The following PDE4B variants were observed in gnomAD, a reference collection of about 807,000 sequenced individuals.
PDE4B encodes the protein 3',5'-cyclic-AMP phosphodiesterase 4B.
Under a neutral mutation model 82.2 loss-of-function variants are expected in PDE4B, and 20 were observed. That is an observed-to-expected ratio of 0.24 (90% CI 0.17 to 0.35). The LOEUF (loss-of-function observed/expected upper bound fraction) is 0.35, where lower values mean the gene tolerates loss of function less well. Ranked by LOEUF, PDE4B falls within the 10% of genes least tolerant of loss-of-function variation. The pLI is 1.00. For synonymous variants in PDE4B, 320 were observed against 318.9 expected, an observed-to-expected ratio of 1.00 and a Z score of -0.04; for missense variants, 655 against 907.2, an observed-to-expected ratio of 0.72 and a Z score of 3.57.
At chr1:65,915,118 T>A (rs1431481307) in intron 2 of PDE4B, among the ~76,000 whole-genome samples, 1 of 152,218 alleles carries the variant, frequency 6.6e-6, no homozygotes, top group Non-Finnish European at 1.5e-5. Context: ...ATGTATCTAC[T>A]AGAAAATTTA....
chr1:65,877,349 C>T (rs1646656802), intron 1 of PDE4B, among the ~76,000 whole-genome samples: 1 of 152,160 alleles, frequency 6.6e-6, no homozygotes, highest in Non-Finnish European at 1.5e-5. Context: ...GGTGCAGTGG[C>T]TCACGCCTGT....
intron 8 of PDE4B, among the ~76,000 whole-genome samples, chr1:66,345,937 G>A (rs1246925075): frequency 6.6e-6 from 1 of 152,170 alleles, no homozygotes; most frequent in Non-Finnish European, 1.5e-5. Flanking sequence ...GTGAAGCATG[G>A]TTTTGGTTGG....
intron 3 of PDE4B, among the ~76,000 whole-genome samples, chr1:65,945,236 A>G (rs1284014309): frequency 2.0e-5 from 3 of 151,934 alleles, no homozygotes; most frequent in Admixed American, 6.6e-5. Flanking sequence ...AGTCCATTAC[A>G]TATTTTTCTA....
chr1:66,305,882 A>G (rs893889198), intron 7 of PDE4B, among the ~76,000 whole-genome samples: 1 of 152,162 alleles, frequency 6.6e-6, no homozygotes, highest in Non-Finnish European at 1.5e-5. Flanking sequence ...ACAGGCCTCC[A>G]TTCTCAAGTA....
intron 3 of PDE4B, among the ~76,000 whole-genome samples, chr1:65,935,539 CAA>C (rs776864915): frequency 6.6e-6 from 1 of 151,684 alleles, no homozygotes; most frequent in Non-Finnish European, 1.5e-5. Flanking sequence ...AATTTACAAA[CAA>C]ATATTTTTCT....
chr1:66,296,121 G>A (rs1657496260), intron 7 of PDE4B, among the ~76,000 whole-genome samples: 1 of 151,968 alleles, frequency 6.6e-6, no homozygotes, highest in South Asian at 2.1e-4. Flanking sequence ...GAGCATCCGG[G>A]GCTTATCTTT....
At chr1:65,898,696 A>G (rs1339728079) in intron 1 of PDE4B, among the ~76,000 whole-genome samples, 2 of 152,144 alleles carry the variant, frequency 1.3e-5, no homozygotes, top group African/African-American at 4.8e-5. Flanking sequence ...GACAAAGCAA[A>G]CAAAAACATA....
At chr1:65,816,620 G>A (rs1479552870) in intron 1 of PDE4B, among the ~76,000 whole-genome samples, 1 of 152,048 alleles carries the variant, frequency 6.6e-6, no homozygotes, top group Non-Finnish European at 1.5e-5. Context: ...TGTTAGTCAA[G>A]CACTATTTAT....
intron 3 of PDE4B, chr1:66,062,790 T>C (rs1044028622): frequency 1.3e-5 from 2 of 152,142 alleles, no homozygotes; most frequent in East Asian, 3.8e-4. Flanking sequence ...TTTCAGTATC[T>C]GTATTGCATT....
At chr1:66,372,205 G>A (rs956756517) in intron 16 of PDE4B, 108 bp from the exon 17 acceptor site, 1 of 1,145,758 alleles carries the variant, frequency 8.7e-7, no homozygotes, top group African/African-American at 1.5e-5. Flanking sequence ...CATTATGATT[G>A]ATCTTTCTGA....
At chr1:65,816,295 C>G (rs1354194478) in intron 1 of PDE4B, among the ~76,000 whole-genome samples, 1 of 149,500 alleles carries the variant, frequency 6.7e-6, no homozygotes, top group African/African-American at 2.5e-5. Context: ...TTATCTCAAC[C>G]CTTGACAGCT....
At chr1:66,187,383 G>T (rs1263290311) in intron 3 of PDE4B, among the ~76,000 whole-genome samples, 1 of 152,084 alleles carries the variant, frequency 6.6e-6, no homozygotes, top group Non-Finnish European at 1.5e-5. Flanking sequence ...TTTTTCTGTT[G>T]ATTGGAATAG....
At chr1:66,082,479 T>C (rs1347272861) in intron 3 of PDE4B, among the ~76,000 whole-genome samples, 2 of 152,092 alleles carry the variant, frequency 1.3e-5, no homozygotes, top group African/African-American at 4.8e-5. Context: ...AGTAAGTGTA[T>C]AGGCTCTGGC....
At chr1:65,911,697 C>G (rs996036203) in intron 1 of PDE4B, among the ~76,000 whole-genome samples, 1 of 152,112 alleles carries the variant, frequency 6.6e-6, no homozygotes, top group Non-Finnish European at 1.5e-5. Context: ...TAGTTCTAAT[C>G]ATTCTTTGGT....
rs1222653340 is a variant in PDE4B at position 66,226,632 on chromosome 1, GAACA to G, written c.282-20827_282-20824del. ...GAAAGTTTGGTTTGTTGCAAGAAAA[GAACA>G]GTCAGTGCAAAATAGAAGCAAGAAG... On this transcript the variant is annotated intron_variant, in intron 3 of 16. Coordinates refer to ENST00000341517, the MANE Select transcript of PDE4B (RefSeq NM_002600.4). 2.0e-5 allele frequency among the ~76,000 whole-genome samples: 3 copies of G among 152,198 alleles called. No individual in the cohort carries two copies. In the East Asian group the frequency reaches 5.8e-4, roughly 29 times the overall value.
chr1:65,953,425 C>G (rs189422083), intron 3 of PDE4B, among the ~76,000 whole-genome samples: 2 of 151,908 alleles, frequency 1.3e-5, no homozygotes, highest in Admixed American at 6.6e-5. Flanking sequence ...TAATCTAGTC[C>G]GATGAAATCA....
At chr1:66,348,756 A>G (rs1242190112) in intron 8 of PDE4B, among the ~76,000 whole-genome samples, 1 of 151,572 alleles carries the variant, frequency 6.6e-6, no homozygotes, top group Admixed American at 6.6e-5. Flanking sequence ...AAATCTGGCA[A>G]CCTTATATAT....
At chr1:65,807,025 G>T (rs977575518) in intron 1 of PDE4B, among the ~76,000 whole-genome samples, 1 of 152,096 alleles carries the variant, frequency 6.6e-6, no homozygotes. Context: ...TACCTTAATT[G>T]CAAGGTAAAG....
intron 1 of PDE4B, among the ~76,000 whole-genome samples, chr1:65,855,186 T>C (rs779844006): frequency 6.6e-6 from 1 of 151,436 alleles, no homozygotes; most frequent in Non-Finnish European, 1.5e-5. Context: ...TTTTCTGCCA[T>C]TTCAGGGTTG....
Sources: gnomAD v4.1 joint callset for allele counts (sites outside exome capture counted in the v4.1 genomes callset) on GRCh38, gnomAD v4.1.1 for gene constraint, MANE v1.5 for transcripts, NCBI Gene and HGNC (gene_info 2026-07-23, HGNC 2026-07-21) for gene names.